Variants in LRRK1 observed in about 807,000 individuals in gnomAD.
LRRK1 encodes leucine rich repeat kinase 1.
Under a neutral mutation model 209.1 loss-of-function variants are expected in LRRK1, and 113 were observed. The ratio of observed to expected loss-of-function variants is 0.54; its 90% CI spans 0.46 to 0.63. The LOEUF (loss-of-function observed/expected upper bound fraction) is 0.63, where lower values mean the gene tolerates loss of function less well. LRRK1 is among the 30% of genes least tolerant of loss of function. LRRK1 has a pLI of 0.00. For missense variants in LRRK1, 2,284 were observed against 2,632.2 expected (o/e 0.87, Z 2.89); for synonymous variants, 1,144 against 1,099.7 (o/e 1.04, Z -0.80).
chr15:101,064,584 G>C (rs562124079), intron 31 of LRRK1: 1 of 151,444 alleles, frequency 6.6e-6, no homozygotes, highest in Non-Finnish European at 1.5e-5. Flanking sequence ...TCATTGAGGG[G>C]GTGGGGGGCA....
chr15:100,942,877 G>C (rs919701396), intron 2 of LRRK1, among the ~76,000 whole-genome samples: 3 of 152,110 alleles, frequency 2.0e-5, no homozygotes, highest in Non-Finnish European at 4.4e-5. Context: ...GGTGGGGTGT[G>C]CACTCACCCG....
chr15:101,036,130 C>T (rs118189770), intron 20 of LRRK1, among the ~76,000 whole-genome samples: 2,908 of 152,224 alleles, frequency 0.019, 39 homozygotes, highest in Non-Finnish European at 0.029. Flanking sequence ...TGTCTAAATA[C>T]CTTGCTAGAC....
intron 20 of LRRK1, among the ~76,000 whole-genome samples, chr15:101,038,135 C>T (rs917194667): frequency 1.3e-5 from 2 of 152,134 alleles, no homozygotes; most frequent in African/African-American, 4.8e-5. Flanking sequence ...AACTAAACAT[C>T]ATATGTTCCA....
Position 101,022,398 on chromosome 15 carries a change from T to C in LRRK1, c.1868T>C (p.Leu623Pro). The C allele has an allele frequency of 6.2e-7, 1 of 1,614,272 alleles. No homozygotes were observed. Among genetic ancestry groups the C allele is most frequent in the Non-Finnish European group, 8.5e-7 (1 of 1,180,048 alleles). Residue 623 changes from leucine (L) to proline (P), a missense_variant, in exon 15 of 34, where the codon CTG becomes CCG. By Grantham distance (98) the Leu-to-Pro change is moderately conservative. Around this residue, in one of 6 missense-constraint regions of LRRK1, gnomAD observed 494 missense variants for 522.1 expected, o/e 0.95. Coordinates refer to ENST00000388948, the MANE Select transcript of LRRK1 (RefSeq NM_024652.6). This position sits in a 1 kb window ranked among gnomAD's most constrained non-coding sequence, Gnocchi z 4.0. ...TTTTGCACAGGCCCCAAAGCAATGC[T>C]GTCTTACCTGCGTGCTCAGCTGCGG... Reference protein sequence around the residue: ...EIQKEGPKAMLSYLRAQLRKA... With the variant: ...EIQKEGPKAMPSYLRAQLRKA...
chr15:100,968,713 TCCTTCCTC>T (rs1003013638), intron 2 of LRRK1, among the ~76,000 whole-genome samples: 9 of 20,406 alleles, frequency 4.4e-4, no homozygotes, highest in African/African-American at 1.1e-3. Context: ...CTTCCTTCCT[TCCTTCCTC>T]CCTTCCCTTC....
At chr15:100,951,887 G>T (rs1567196936) in intron 2 of LRRK1, among the ~76,000 whole-genome samples, 1 of 151,578 alleles carries the variant, frequency 6.6e-6, no homozygotes, top group African/African-American at 2.4e-5. Context: ...GGGAGGCAGA[G>T]GTTGCAAGTG....
At chr15:100,923,285 G>A (rs949880267) in intron 1 of LRRK1, among the ~76,000 whole-genome samples, 3 of 152,186 alleles carry the variant, frequency 2.0e-5, no homozygotes, top group African/African-American at 7.2e-5. Flanking sequence ...CCTTTCAGCT[G>A]GGAGTCACAC....
chr15:101,029,349 G>GC (rs1323522581), intron 20 of LRRK1, 117 bp downstream of exon 20: 2 of 1,072,978 alleles, frequency 1.9e-6, no homozygotes, highest in East Asian at 2.6e-5. Flanking sequence ...TGCCACTGCT[G>GC]CCCCCTACGG....
intron 2 of LRRK1, among the ~76,000 whole-genome samples, chr15:100,967,392 G>T (rs2030533250): frequency 6.6e-6 from 1 of 152,212 alleles, no homozygotes; most frequent in Non-Finnish European, 1.5e-5. Flanking sequence ...GTGTGTGATG[G>T]TCATCCATTT....
At chr15:100,953,239 A>C (rs2042690497) in intron 2 of LRRK1, among the ~76,000 whole-genome samples, 1 of 152,152 alleles carries the variant, frequency 6.6e-6, no homozygotes, top group African/African-American at 2.4e-5. Flanking sequence ...GAACTTACTC[A>C]TCTTATAACT....
chr15:101,011,872 A>C, intron 9 of LRRK1, 136 bp from the exon 10 acceptor site: 1 of 680,286 alleles, frequency 1.5e-6, no homozygotes, highest in Non-Finnish European at 2.5e-6. Context: ...GCCTTCCAGC[A>C]ACACTCAGTC....
At chr15:100,978,313 C>G (rs1158367773) in intron 3 of LRRK1, among the ~76,000 whole-genome samples, 1 of 152,130 alleles carries the variant, frequency 6.6e-6, no homozygotes, top group Non-Finnish European at 1.5e-5. Context: ...AGACAGAAGG[C>G]AAGACTGAAG....
chr15:101,020,495 C>G (rs556263189), intron 12 of LRRK1, among the ~76,000 whole-genome samples: 2 of 151,874 alleles, frequency 1.3e-5, no homozygotes, highest in Middle Eastern at 3.4e-3. Context: ...CTGCCTCAGC[C>G]CCCCCGAGTA....
chr15:100,983,100 G>A (rs2031693048), intron 3 of LRRK1, among the ~76,000 whole-genome samples: 1 of 152,144 alleles, frequency 6.6e-6, no homozygotes, highest in Admixed American at 6.5e-5. Flanking sequence ...ACTTTAGCCT[G>A]GGAGGTCAAG....
Position 100,973,887 on chromosome 15 carries a change from G to A in LRRK1, c.181G>A (p.Ala61Thr). The A allele has an allele frequency of 7.8e-7, 1 of 1,277,778 alleles. No individual in the cohort carries two copies. Among genetic ancestry groups the A allele is most frequent in the South Asian group, 2.6e-5 (1 of 38,188 alleles). 79.2% of individuals were successfully genotyped at this position (1,277,778 alleles called of 1,614,324 possible). ...CCGCAGGACGGAAGGCATCCGCGCC[G>A]CGTACAGGCGGGGAGACCGCGGCGG... is the stretch of plus-strand genomic sequence containing the variant. ...RSRRTEGIRA[A>T]YRRGDRGGAR... The change falls in exon 3 of 34, where the codon GCG becomes ACG. Residue 61 changes from alanine to threonine, a missense_variant. By Grantham distance (58) the Ala-to-Thr change is moderately conservative. This residue lies in a region of LRRK1 where 174 missense variants were observed against 133.5 expected (regional missense o/e 1.30). Coordinates refer to ENST00000388948, the MANE Select transcript of LRRK1 (RefSeq NM_024652.6).
intron 7 of LRRK1, among the ~76,000 whole-genome samples, chr15:101,009,776 CG>C (rs1410356787): frequency 6.6e-6 from 1 of 151,898 alleles, no homozygotes; most frequent in African/African-American, 2.4e-5. Context: ...TTAGTAGAGA[CG>C]GGGTTTCACC....
chr15:100,968,154 A>AT (rs1168190150), intron 2 of LRRK1, among the ~76,000 whole-genome samples: 4 of 151,956 alleles, frequency 2.6e-5, no homozygotes, highest in South Asian at 2.1e-4. Context: ...ACTCAGCATT[A>AT]TTTTTTTTGA....
chr15:100,958,388 G>A (rs544579148), intron 2 of LRRK1, among the ~76,000 whole-genome samples: 65 of 152,302 alleles, frequency 4.3e-4, no homozygotes, highest in African/African-American at 1.6e-3. Flanking sequence ...TGTCCTGTCT[G>A]GAGTTGATGT....
At chr15:100,968,733 C>G (rs1439471959) in intron 2 of LRRK1, among the ~76,000 whole-genome samples, 2 of 134,036 alleles carry the variant, frequency 1.5e-5, no homozygotes, top group Non-Finnish European at 3.1e-5. Context: ...CTTCCCTTCC[C>G]TTCCCTTTTC....
Sources: allele counts gnomAD v4.1 joint callset (sites outside exome capture counted in the v4.1 genomes callset), GRCh38; gene constraint gnomAD v4.1.1; regional missense constraint gnomAD v4.1.1; non-coding constraint Gnocchi (gnomAD v3.1); transcripts MANE v1.5; gene names NCBI Gene and HGNC (gene_info 2026-07-23, HGNC 2026-07-21).